ITGA3: variants seen among roughly 807,000 people sequenced by gnomAD.
The protein encoded by ITGA3 is integrin alpha-3.
Under a neutral mutation model 131.1 loss-of-function variants are expected in ITGA3, and 70 were observed. That is an observed-to-expected ratio of 0.53 (90% CI 0.44 to 0.65). The LOEUF (loss-of-function observed/expected upper bound fraction) is 0.65, where lower values mean the gene tolerates loss of function less well. ITGA3 is among the 30% of genes least tolerant of loss of function. ITGA3 has a pLI of 0.00. For synonymous variants in ITGA3, 537 were observed against 571.6 expected (o/e 0.94, Z 0.86); for missense variants, 1,098 against 1,388.6 (o/e 0.79, Z 3.33).
chr17:50,089,066 A>G (rs1423900316), intron 25 of ITGA3, 44 bp from the exon 26 acceptor site: 1 of 1,565,318 alleles, frequency 6.4e-7, no homozygotes, highest in East Asian at 2.2e-5. Context: ...TGGTGGCTCA[A>G]ACTCTGGATG....
rs1225657107 is a variant in ITGA3 at position 50,073,996 on chromosome 17, C to A, written c.1237C>A (p.Pro413Thr). Residue 413 changes from proline (P) to threonine (T), a missense_variant, in exon 8 of 26, where the codon CCC becomes ACC. This residue lies in a region of ITGA3 where 356 missense variants were observed against 529.2 expected (regional missense o/e 0.67). Coordinates refer to ENST00000320031, the MANE Select transcript of ITGA3 (RefSeq NM_002204.4). ...HSSSKGLLRQPQQVIHGEKLG... is the reference protein window; with the variant it reads ...HSSSKGLLRQTQQVIHGEKLG... ...TAGCTCTAAGGGGCTCCTTAGACAG[C>A]CCCAGCAGGTACAGAGAGACGGGGA... 6.2e-7 allele frequency: 1 copy of A among 1,612,102 alleles called. No homozygotes were observed. Among genetic ancestry groups the A allele is most frequent in the Non-Finnish European group, 8.5e-7 (1 of 1,178,220 alleles).
chr17:50,076,661 G>A lies in ITGA3; in HGVS notation c.1902G>A (p.Glu634=), dbSNP rs1299995350. Reference sequence around the variant, plus strand: ...AGATGCGGGCAGCCTTCGTGTCAGAGCAGCAGCAGAAGCTGAGCAGGTGGC... The same window carrying A: ...AGATGCGGGCAGCCTTCGTGTCAGAACAGCAGCAGAAGCTGAGCAGGTGGC... ...NLQMRAAFVS[E]QQQKLSRLQY... Residue 634 remains glutamate, a synonymous_variant, in exon 14 of 26, where the codon GAG becomes GAA. Coordinates refer to ENST00000320031, the MANE Select transcript of ITGA3 (RefSeq NM_002204.4). The A allele has an allele frequency of 1.2e-6, 2 of 1,613,490 alleles. No individual in the cohort carries two copies. The highest frequency in any genetic ancestry group is 1.1e-5 in the South Asian group (1 of 91,080).
Position 50,088,233 on chromosome 17 carries a change from C to T in ITGA3, c.3054C>T (p.Phe1018=). 1.3e-6 allele frequency: 2 copies of T among 1,563,916 alleles called. No homozygotes were observed. Among genetic ancestry groups the T allele is most frequent in the Non-Finnish European group, 1.7e-6 (2 of 1,154,174 alleles). The stretch of plus-strand genomic sequence containing the variant: ...CCTCCTCCCCTCCGCAGTGCGGCTT[C>T]TTCAAGCGAGCCCGCACTCGCGCCC... The part of the protein sequence containing the change: ...LIILLLWKCG[F]FKRARTRALY... The change falls in exon 25 of 26, where the codon TTC becomes TTT. Residue 1018 remains phenylalanine, a synonymous_variant. Coordinates refer to ENST00000320031, the MANE Select transcript of ITGA3 (RefSeq NM_002204.4).
rs745694794 is a variant in ITGA3, at chr17:50,074,445, C to T, written c.1383-3C>T. ...TATCTGTCTGGCTCTGTTGTCTCTG[C>T]AGGGCCCGGCCCGTCATCAACATCG... is the stretch of plus-strand genomic sequence containing the variant. On this transcript the variant is annotated splice_region_variant and splice_polypyrimidine_tract_variant and intron_variant, in intron 9 of 25. Transcript: ENST00000320031. The T allele has an allele frequency of 1.2e-6, 2 of 1,613,722 alleles. No individual in the cohort carries two copies. Among genetic ancestry groups the T allele is most frequent in the Middle Eastern group, 3.3e-4 (2 of 6,060 alleles).
chr17:50,074,367 C>T (rs1478477245), intron 9 of ITGA3, 81 bp from the exon 10 acceptor site: 1 of 1,598,072 alleles, frequency 6.3e-7, no homozygotes, highest in African/African-American at 1.3e-5. Flanking sequence ...TTTGCGCTAG[C>T]TCCTTGGAAG....
intron 8 of ITGA3, 68 bp from the exon 9 acceptor site, chr17:50,074,076 A>G: frequency 6.4e-7 from 1 of 1,551,210 alleles, no homozygotes; most frequent in Non-Finnish European, 8.9e-7. Context: ...CCTTCACCCA[A>G]CCCTTCCCTG....
chr17:50,067,031 A>T (rs1460800293), intron 3 of ITGA3, among the ~76,000 whole-genome samples: 1 of 152,208 alleles, frequency 6.6e-6, no homozygotes, highest in Non-Finnish European at 1.5e-5. Flanking sequence ...TAACCCTGTT[A>T]TGGATGGCTG....
intron 4 of ITGA3, among the ~76,000 whole-genome samples, chr17:50,068,814 T>TATTATTTA (rs1555554348): frequency 8.4e-5 from 10 of 118,726 alleles, no homozygotes; most frequent in African/African-American, 3.3e-4. Flanking sequence ...AATCAGTCTT[T>TATTATTTA]TTTATTTATT....
intron 6 of ITGA3, 122 bp from the exon 7 acceptor site, chr17:50,071,864 C>T: frequency 1.2e-6 from 1 of 817,858 alleles, no homozygotes; most frequent in Non-Finnish European, 1.9e-6. Context: ...CACCCATGAC[C>T]TGTGGCCGGA....
chr17:50,064,428 G>A lies in ITGA3; in HGVS notation c.335-100G>A. ...GGGGAGTTGGGAGGGCTGCCCTGTG[G>A]GTGGAGGGCCCAAGCGGGACCCACT... On this transcript the variant is annotated intron_variant, in intron 2 of 25. Transcript: ENST00000320031. This position sits in a 1 kb window ranked among gnomAD's most constrained non-coding sequence, Gnocchi z 4.4. 8.1e-7 allele frequency: 1 copy of A among 1,240,964 alleles called. No homozygotes were observed. The highest frequency in any genetic ancestry group is 1.1e-6 in the Non-Finnish European group (1 of 885,550). 76.9% of individuals were successfully genotyped at this position (1,240,964 alleles called of 1,614,324 possible). A position where few individuals can be genotyped will look rare whatever the true frequency, so the allele number is the denominator to read the frequency against.
intron 1 of ITGA3, among the ~76,000 whole-genome samples, chr17:50,061,734 G>A (rs1908090832): frequency 6.6e-6 from 1 of 152,130 alleles, no homozygotes; most frequent in Non-Finnish European, 1.5e-5. Flanking sequence ...TCCCTAACAT[G>A]CCAGGGCAGA....
rs746506258 is a variant in ITGA3 at position 50,088,291 on chromosome 17, A to G, written c.3112A>G (p.Lys1038Glu). 6 of 1,590,132 alleles carry G rather than the reference A, an allele frequency of 3.8e-6. No individual in the cohort carries two copies. In the African/African-American group the frequency reaches 8.0e-5, roughly 21 times the overall value. ...YEAKRQKAEMKSQPSETERLT... is the reference protein window; with the variant it reads ...YEAKRQKAEMESQPSETERLT... The stretch of plus-strand genomic sequence containing the variant: ...AGCTAAGAGGCAGAAGGCGGAGATG[A>G]AGAGCCAGCCGTCAGAGACAGAGAG... The change falls in exon 25 of 26, where the codon AAG (lysine) becomes GAG (glutamate). Residue 1038 changes from lysine to glutamate, a missense_variant. Lys to Glu is a moderately conservative substitution (Grantham distance 56). This residue lies in a region of ITGA3 where 699 missense variants were observed against 829.2 expected (regional missense o/e 0.84). Coordinates refer to ENST00000320031, the MANE Select transcript of ITGA3 (RefSeq NM_002204.4).
chr17:50,072,151 C>T lies in ITGA3; in HGVS notation c.1125C>T (p.Ser375=). ...CTGCCTTTGGTTTATCTGTGGCCAGCATTGGTGACATCAACCAGGATGGAT... is the reference window on the plus strand; with the variant it reads ...CTGCCTTTGGTTTATCTGTGGCCAGTATTGGTGACATCAACCAGGATGGAT... ...SGSAFGLSVA[S]IGDINQDGFQ... Residue 375 remains serine (S), a synonymous_variant, in exon 7 of 26, where the codon AGC becomes AGT. Transcript: ENST00000320031. 1.2e-6 allele frequency: 2 copies of T among 1,613,802 alleles called. No homozygotes were observed. The highest frequency in any genetic ancestry group is 1.7e-6 in the Non-Finnish European group (2 of 1,179,958).
chr17:50,076,746 G>A, intron 14 of ITGA3, 65 bp downstream of exon 14: 1 of 1,401,292 alleles, frequency 7.1e-7, no homozygotes, highest in Non-Finnish European at 1.0e-6. Context: ...TAACTGGCAG[G>A]GTGGGGGCGG....
chr17:50,080,255 G>C lies in ITGA3; in HGVS notation c.2707-7G>C. On this transcript the variant is annotated splice_polypyrimidine_tract_variant and splice_region_variant and intron_variant, in intron 21 of 25. Coordinates refer to ENST00000320031, the MANE Select transcript of ITGA3 (RefSeq NM_002204.4). The stretch of plus-strand genomic sequence containing the variant: ...ATGTCACGTCTTGCGTTCCCTGCCC[G>C]CCTCAGACCTGTGCCACAGGGCGTG... 1 of 1,563,128 alleles carries C rather than the reference G, an allele frequency of 6.4e-7. No individual in the cohort carries two copies.
Position 50,079,159 on chromosome 17 carries a change from G to A in ITGA3, c.2484G>A (p.Lys828=), listed in dbSNP as rs1271308870. Residue 828 remains lysine (K), a synonymous_variant, in exon 20 of 26, where the codon AAG becomes AAA. Coordinates refer to ENST00000320031, the MANE Select transcript of ITGA3 (RefSeq NM_002204.4). The part of the protein sequence containing the change: ...LEWPYEVSNG[K]WLLYPTEITV... ...GGCCCTACGAAGTCAGCAATGGCAAGTGGCTGCTGTATCCCACGGAGATCA... is the reference window on the plus strand; with the variant it reads ...GGCCCTACGAAGTCAGCAATGGCAAATGGCTGCTGTATCCCACGGAGATCA... The A allele has an allele frequency of 1.9e-6, 3 of 1,614,070 alleles. No homozygotes were observed. Among genetic ancestry groups the A allele is most frequent in the Non-Finnish European group, 1.7e-6 (2 of 1,179,986 alleles).
rs1232580604 is a variant in ITGA3 at position 50,089,932 on chromosome 17, G to C, written c.*854G>C. ...CTTGGCCACAGACTGAACTCGCAGG[G>C]AATGCAGCAGGAAGGAACAAAGACA... On this transcript the variant is annotated 3_prime_UTR_variant, in exon 26 of 26. Coordinates refer to ENST00000320031, the MANE Select transcript of ITGA3 (RefSeq NM_002204.4). 1 of 204,864 alleles carries C rather than the reference G, an allele frequency of 4.9e-6. No individual in the cohort carries two copies. Among genetic ancestry groups the C allele is most frequent in the Non-Finnish European group, 1.0e-5 (1 of 97,672 alleles). The allele number at this position is 204,864 out of a possible 1,614,324, so 12.7% of individuals were successfully genotyped here.
rs751727597 is a variant in ITGA3, at chr17:50,080,278, G to T, written c.2723G>T (p.Arg908Leu). Residue 908 changes from arginine to leucine, a missense_variant, in exon 22 of 26, where the codon CGT (arginine) becomes CTT (leucine). Arg to Leu is a moderately radical substitution (Grantham distance 102). Coordinates refer to ENST00000320031, the MANE Select transcript of ITGA3 (RefSeq NM_002204.4). ...SETVLTCATG[R>L]AHCVWLECPI... ...CCGCCTCAGACCTGTGCCACAGGGC[G>T]TGCCCACTGTGTGTGGCTAGAGTGC... The T allele has an allele frequency of 5.6e-6, 9 of 1,611,006 alleles. No homozygotes were observed. Among genetic ancestry groups the T allele is most frequent in the East Asian group, 2.2e-5 (1 of 44,840 alleles).
chr17:50,079,295 A>G, intron 20 of ITGA3, 37 bp downstream of exon 20: 1 of 1,602,352 alleles, frequency 6.2e-7, no homozygotes, highest in Non-Finnish European at 8.5e-7. Context: ...TTTGCATGCT[A>G]CAGGGCAGAA....
Sources: gnomAD v4.1 joint callset for allele counts (sites outside exome capture counted in the v4.1 genomes callset) on GRCh38, gnomAD v4.1.1 for gene constraint, gnomAD v4.1.1 regional missense constraint, Gnocchi (gnomAD v3.1) non-coding constraint, MANE v1.5 for transcripts, NCBI Gene and HGNC (gene_info 2026-07-23, HGNC 2026-07-21) for gene names.